Variants in TRPM1 observed in about 807,000 individuals in gnomAD.
TRPM1 encodes TRPM1-203 APA Isoform, Intron 10.
TRPM1 carries 113 observed loss-of-function variants against 149.4 expected under a neutral mutation model. The ratio of observed to expected loss-of-function variants is 0.76; its 90% CI spans 0.65 to 0.88. The LOEUF is 0.88. Among genes scored for constraint, TRPM1 ranks in the 40% least tolerant of loss-of-function variants. The pLI is 0.00. For synonymous variants in TRPM1, 741 were observed against 759.5 expected, an observed-to-expected ratio of 0.98 and a Z score of 0.40; for missense variants, 1,976 against 2,038.7, an observed-to-expected ratio of 0.97 and a Z score of 0.59.
At chr15:31,026,764 A>C in intron 26 of TRPM1, 151 bp downstream of exon 26, 1 of 815,878 alleles carries the variant, frequency 1.2e-6, no homozygotes, top group South Asian at 1.6e-5. Flanking sequence ...AATGGGTACA[A>C]AATGAGAAGC....
intron 4 of TRPM1, chr15:31,069,477 A>G (rs2034471999): frequency 9.5e-7 from 1 of 1,052,100 alleles, no homozygotes; most frequent in Non-Finnish European, 1.1e-6. Flanking sequence ...CTGGGCATGT[A>G]GGAGTGTAAT....
chr15:31,160,878 C>A, intron 1 of TRPM1: 1 of 1,535,394 alleles, frequency 6.5e-7, no homozygotes, highest in South Asian at 1.2e-5. Flanking sequence ...GCCCAGCTGC[C>A]CGCAGGCCAC....
chr15:31,156,195 CAAAAAAAAA>C (rs35981768), intron 1 of TRPM1, among the ~76,000 whole-genome samples: 570 of 36,652 alleles, frequency 0.016, 10 homozygotes, highest in East Asian at 0.048. Flanking sequence ...AGACCTCTGT[CAAAAAAAAA>C]AAAAAAAAAA....
Position 31,032,933 on chromosome 15 carries a change from A to G in TRPM1, c.2708T>C (p.Met903Thr). 3 of 1,614,236 alleles carry G rather than the reference A, an allele frequency of 1.9e-6. No individual in the cohort carries two copies. Among genetic ancestry groups the G allele is most frequent in the Non-Finnish European group, 2.5e-6 (3 of 1,180,046 alleles). The change falls in exon 22 of 28, where the codon ATG becomes ACG. Residue 903 changes from methionine to threonine, a missense_variant. Met to Thr is a moderately conservative substitution (Grantham distance 81, BLOSUM62 -1). Around this residue, in one of 3 missense-constraint regions of TRPM1, gnomAD observed 1,332 missense variants for 1,347.1 expected, o/e 0.99. Transcript: ENST00000256552. ...CTGGCTGAGTTTGCCTGGTTCTGAC[A>G]TGAGGATCTGAAAACAAACCCCAAA... ...LALEKIREIL[M>T]SEPGKLSQKI... is the part of the protein sequence containing the mutation.
chr15:31,072,007 AT>A (rs1367246245), intron 3 of TRPM1, among the ~76,000 whole-genome samples: 1 of 37,488 alleles, frequency 2.7e-5, no homozygotes, highest in South Asian at 8.2e-4. Flanking sequence ...ATATATATAT[AT>A]ATATATATAT....
chr15:31,112,811 T>C (rs1460064051), intron 1 of TRPM1, among the ~76,000 whole-genome samples: 4 of 152,218 alleles, frequency 2.6e-5, no homozygotes, highest in Non-Finnish European at 4.4e-5. Flanking sequence ...CAATGCATAT[T>C]AGGATATTAA....
rs772251417 is a variant in TRPM1, at chr15:31,026,125, G to A, written c.3629+14C>T. The A allele has an allele frequency of 1.9e-6, 3 of 1,609,912 alleles. No individual in the cohort carries two copies. The Admixed American group carries it at 5.0e-5, about 27-fold the overall frequency. On this transcript the variant is annotated intron_variant, in intron 27 of 27. Coordinates refer to ENST00000256552, the MANE Select transcript of TRPM1 (RefSeq NM_001252024.2). ...CCTTGGCTCACGGGCCCGCGGTGGG[G>A]ACGCTACACGTACCTTTCAGAAGTG...
chr15:31,138,400 C>T (rs536380627), intron 1 of TRPM1, among the ~76,000 whole-genome samples: 20 of 152,190 alleles, frequency 1.3e-4, no homozygotes, highest in Non-Finnish European at 2.2e-4. Flanking sequence ...CCCACTCTTA[C>T]GGGACAACCT....
chr15:31,109,333 CAAAAAAAAAA>C (rs36072024), intron 1 of TRPM1, among the ~76,000 whole-genome samples: 3 of 32,298 alleles, frequency 9.3e-5, no homozygotes, highest in Non-Finnish European at 1.8e-4. Context: ...GACTCTGCCT[CAAAAAAAAAA>C]AAAAAAAAAA....
Position 31,066,929 on chromosome 15 carries a change from T to C in TRPM1, c.618+134A>G, listed in dbSNP as rs567257784. On this transcript the variant is annotated intron_variant, in intron 6 of 27. Coordinates refer to ENST00000256552, the MANE Select transcript of TRPM1 (RefSeq NM_001252024.2). ...TCTTGCATTATGGTTTTGCAAGATG[T>C]TACCATTGGAGGAATGGGAAAGGCT... 9 of 1,187,410 alleles carry C rather than the reference T, an allele frequency of 7.6e-6. No individual in the cohort carries two copies. In the South Asian group the frequency reaches 9.1e-5, roughly 12 times the overall value. 73.6% of individuals were successfully genotyped at this position (1,187,410 alleles called of 1,614,324 possible). A position where few individuals can be genotyped will look rare whatever the true frequency, so the allele number is the denominator to read the frequency against.
intron 1 of TRPM1, among the ~76,000 whole-genome samples, chr15:31,093,742 C>T (rs566951131): frequency 2.6e-5 from 4 of 151,988 alleles, no homozygotes; most frequent in African/African-American, 9.7e-5. Flanking sequence ...GCTGGGACTA[C>T]AGACATGTGC....
intron 3 of TRPM1, among the ~76,000 whole-genome samples, chr15:31,071,981 ATATATATATATATAT>A: frequency 1.5e-5 from 1 of 66,944 alleles, no homozygotes; most frequent in African/African-American, 8.1e-5. Flanking sequence ...AAAAAAAAAC[ATATATATATATATAT>A]ATATATATAT....
intron 1 of TRPM1, among the ~76,000 whole-genome samples, chr15:31,113,785 G>A (rs115287932): frequency 1.5e-3 from 227 of 152,296 alleles, no homozygotes; most frequent in African/African-American, 4.9e-3. Context: ...GCTCTTAAAG[G>A]TGGCAAGGAC....
chr15:31,101,578 C>T (rs928859385), intron 1 of TRPM1, 79 bp downstream of exon 1: 2 of 887,356 alleles, frequency 2.3e-6, no homozygotes, highest in Non-Finnish European at 1.4e-6. Flanking sequence ...CTGAGTTTGT[C>T]CACGCTTGAG....
At chr15:31,067,756 A>G in intron 5 of TRPM1, 123 bp downstream of exon 5, 1 of 952,904 alleles carries the variant, frequency 1.0e-6, no homozygotes, top group Non-Finnish European at 1.6e-6. Context: ...ACTTCACTTT[A>G]GTCATAAATA....
At chr15:31,133,838 G>A (rs936594068) in intron 1 of TRPM1, among the ~76,000 whole-genome samples, 3 of 152,218 alleles carry the variant, frequency 2.0e-5, no homozygotes, top group Non-Finnish European at 2.9e-5. Flanking sequence ...CTAGGACATA[G>A]AGACAGAGCC....
Position 31,040,037 on chromosome 15 carries a change from C to G in TRPM1, c.2316+81G>C. 8.0e-7 allele frequency: 1 copy of G among 1,257,452 alleles called. No individual in the cohort carries two copies. The allele number at this position is 1,257,452 out of a possible 1,614,324, so 77.9% of individuals were successfully genotyped here. On this transcript the variant is annotated intron_variant, in intron 18 of 27. Transcript: ENST00000256552. This position sits in a 1 kb window ranked among gnomAD's most constrained non-coding sequence, Gnocchi z 4.2. ...GCTAGAAGGAATAAATGAAATAAGC[C>G]ACAGAAAGTGCTCAGTTCAGCCTGG...
chr15:31,109,576 T>C (rs1180916516), intron 1 of TRPM1, among the ~76,000 whole-genome samples: 1 of 150,562 alleles, frequency 6.6e-6, no homozygotes, highest in Non-Finnish European at 1.5e-5. Flanking sequence ...GGTGGGTGCC[T>C]GTAATCCCAG....
intron 3 of TRPM1, among the ~76,000 whole-genome samples, chr15:31,075,229 G>A (rs2140974700): frequency 6.6e-6 from 1 of 152,170 alleles, no homozygotes; most frequent in East Asian, 1.9e-4. Flanking sequence ...TTCCCTTGTT[G>A]GTCTTCTGTT....
Sources: gnomAD v4.1 joint callset for allele counts (sites outside exome capture counted in the v4.1 genomes callset) on GRCh38, gnomAD v4.1.1 for gene constraint, gnomAD v4.1.1 regional missense constraint, Gnocchi (gnomAD v3.1) non-coding constraint, MANE v1.5 for transcripts, NCBI Gene and HGNC (gene_info 2026-07-23, HGNC 2026-07-21) for gene names.